Variants in AQP9 observed in about 807,000 individuals in gnomAD.
The protein encoded by AQP9 is aquaporin 9, also known as aquaporin-9.
A neutral mutation model predicts 23.8 loss-of-function variants in AQP9; 19 were observed. The observed-to-expected ratio is 0.80, with a 90% CI of 0.56 to 1.17. AQP9 has a LOEUF of 1.17. AQP9 is among the 50% of genes most tolerant of loss of function. The pLI is 0.00. For synonymous variants in AQP9, 153 were observed against 131.5 expected (o/e 1.16, Z -1.12); for missense variants, 413 against 362.0 (o/e 1.14, Z -1.14).
At chr15:58,168,867 C>T (rs141691093) in intron 2 of AQP9, among the ~76,000 whole-genome samples, 107 of 152,262 alleles carry the variant, frequency 7.0e-4, no homozygotes, top group Admixed American at 5.0e-3. Context: ...TAGGTGTAGC[C>T]ATATTTTCAG....
chr15:58,161,715 A>G (rs957000145), intron 1 of AQP9, among the ~76,000 whole-genome samples: 2 of 152,314 alleles, frequency 1.3e-5, no homozygotes, highest in East Asian at 1.9e-4. Flanking sequence ...TTTTGAGTTT[A>G]TACTAAAAAC....
At chr15:58,168,800 A>G (rs1335286181) in intron 2 of AQP9, among the ~76,000 whole-genome samples, 1 of 152,218 alleles carries the variant, frequency 6.6e-6, no homozygotes, top group Non-Finnish European at 1.5e-5. Context: ...ACTGCCCTAA[A>G]TATCCCGAGG....
At chr15:58,180,576 T>C (rs1199924463) in intron 5 of AQP9, among the ~76,000 whole-genome samples, 1 of 152,156 alleles carries the variant, frequency 6.6e-6, no homozygotes, top group Non-Finnish European at 1.5e-5. Flanking sequence ...GGACACTTCC[T>C]AGGAGTTGAA....
chr15:58,173,697 A>C (rs1398510978), intron 3 of AQP9, among the ~76,000 whole-genome samples: 2 of 152,136 alleles, frequency 1.3e-5, no homozygotes, highest in Non-Finnish European at 2.9e-5. Flanking sequence ...CTTGGGAAAA[A>C]CACAGTATTG....
chr15:58,174,242 C>T (rs1299905631), intron 3 of AQP9, among the ~76,000 whole-genome samples: 1 of 151,526 alleles, frequency 6.6e-6, no homozygotes, highest in African/African-American at 2.4e-5. Context: ...AGGATCATGC[C>T]ATTGCACTCC....
chr15:58,161,833 A>G (rs1353061997), intron 1 of AQP9, among the ~76,000 whole-genome samples: 2 of 152,230 alleles, frequency 1.3e-5, no homozygotes, highest in Admixed American at 6.5e-5. Flanking sequence ...AATCTGGCAC[A>G]TATCATTATT....
intron 4 of AQP9, among the ~76,000 whole-genome samples, chr15:58,176,238 G>C (rs1898751082): frequency 6.6e-6 from 1 of 152,166 alleles, no homozygotes; most frequent in Non-Finnish European, 1.5e-5. Context: ...ATTAGACAGA[G>C]CTGGGCACGG....
chr15:58,176,384 G>T (rs571568733), intron 4 of AQP9, among the ~76,000 whole-genome samples: 1 of 152,020 alleles, frequency 6.6e-6, no homozygotes, highest in Non-Finnish European at 1.5e-5. Flanking sequence ...CATGCGTGGT[G>T]GTGCTTGCAT....
At chr15:58,145,434 C>T (rs1193284411) in intron 1 of AQP9, among the ~76,000 whole-genome samples, 5 of 149,956 alleles carry the variant, frequency 3.3e-5, no homozygotes, top group Non-Finnish European at 7.4e-5. Context: ...ACCTGGGAGG[C>T]GGAGATTGTG....
Position 58,171,389 on chromosome 15 carries a change from G to A in AQP9, c.239-1679G>A, listed in dbSNP as rs188181363. On this transcript the variant is annotated intron_variant, in intron 2 of 5. Coordinates refer to ENST00000219919, the MANE Select transcript of AQP9 (RefSeq NM_020980.5). ...GGCATGAGCCACTGCACCTGGCCCC[G>A]CACCCCTTTTCCTTTCACAATGGCT... 1.2e-4 allele frequency among the ~76,000 whole-genome samples: 18 copies of A among 152,068 alleles called. No homozygotes were observed. The East Asian group carries it at 2.9e-3, about 25-fold the overall frequency.
Position 58,179,120 on chromosome 15 carries a change from C to A in AQP9, c.496-8C>A. 1 of 1,595,540 alleles carries A rather than the reference C, an allele frequency of 6.3e-7. No homozygotes were observed. The highest frequency in any genetic ancestry group is 1.1e-5 in the South Asian group (1 of 90,666). ...GCTAAAGCCCTGGCTCAACTTCTCC[C>A]TCTCCAGGTGGTGGCCACCATGATA... On this transcript the variant is annotated splice_polypyrimidine_tract_variant and splice_region_variant and intron_variant, in intron 4 of 5. Coordinates refer to ENST00000219919, the MANE Select transcript of AQP9 (RefSeq NM_020980.5).
chr15:58,164,938 A>T (rs1339720558), intron 1 of AQP9, among the ~76,000 whole-genome samples: 1 of 152,194 alleles, frequency 6.6e-6, no homozygotes, highest in East Asian at 1.9e-4. Context: ...TTTCAGCTCT[A>T]TATGAAAAGA....
chr15:58,168,797 T>C (rs1014385754), intron 2 of AQP9, among the ~76,000 whole-genome samples: 4 of 152,200 alleles, frequency 2.6e-5, no homozygotes, highest in African/African-American at 4.8e-5. Flanking sequence ...GGGACTGCCC[T>C]AAATATCCCG....
chr15:58,152,120 T>C (rs1488514331), intron 1 of AQP9: 1 of 152,188 alleles, frequency 6.6e-6, no homozygotes, highest in Non-Finnish European at 1.5e-5. Flanking sequence ...CTATTCTGCA[T>C]AGCAAATTCA....
At chr15:58,178,360 G>C (rs1898802801) in intron 4 of AQP9, among the ~76,000 whole-genome samples, 2 of 152,108 alleles carry the variant, frequency 1.3e-5, no homozygotes, top group Admixed American at 6.5e-5. Context: ...TAAAAAAAGA[G>C]TAAAAGCTTC....
At chr15:58,175,926 G>C (rs1247014665) in intron 4 of AQP9, among the ~76,000 whole-genome samples, 1 of 152,194 alleles carries the variant, frequency 6.6e-6, no homozygotes, top group Non-Finnish European at 1.5e-5. Context: ...TTGGCCCTTT[G>C]TCTGGAGCTT....
At chr15:58,150,467 T>A (rs1269412996) in intron 1 of AQP9, 1 of 152,654 alleles carries the variant, frequency 6.6e-6, no homozygotes, top group African/African-American at 2.4e-5. Flanking sequence ...TCACTTTACA[T>A]CTAACCACCA....
chr15:58,151,100 A>G (rs1898140423), intron 1 of AQP9: 1 of 152,174 alleles, frequency 6.6e-6, no homozygotes, highest in Non-Finnish European at 1.5e-5. Context: ...TTAGTCTATC[A>G]ATCCCACTTA....
At chr15:58,172,975 T>C in intron 2 of AQP9, 93 bp from the exon 3 acceptor site, 1 of 1,527,330 alleles carries the variant, frequency 6.5e-7, no homozygotes, top group Non-Finnish European at 9.0e-7. Context: ...GTTCTCTGCC[T>C]AGAAGACTGA....
Sources: allele counts gnomAD v4.1 joint callset (sites outside exome capture counted in the v4.1 genomes callset), GRCh38; gene constraint gnomAD v4.1.1; transcripts MANE v1.5; gene names NCBI Gene and HGNC (gene_info 2026-07-23, HGNC 2026-07-21).